Variants in NSL1 observed in about 807,000 individuals in gnomAD.
The protein encoded by NSL1 is kinetochore-associated protein NSL1 homolog.
In NSL1, 11 loss-of-function variants were observed where a neutral mutation model predicts 25.4. That is an observed-to-expected ratio of 0.43 (90% CI 0.27 to 0.72). NSL1 has a LOEUF of 0.72. Ranked by LOEUF, NSL1 falls within the 30% of genes least tolerant of loss-of-function variation. The probability of loss-of-function intolerance (pLI) is 0.19; values close to 1 mark genes in which losing one functional copy is unlikely to be tolerated. For missense variants in NSL1, 330 were observed against 342.7 expected (o/e 0.96, Z 0.29); for synonymous variants, 118 against 120.6 (o/e 0.98, Z 0.14).
intron 4 of NSL1, among the ~76,000 whole-genome samples, chr1:212,771,709 C>T (rs949494983): frequency 4.7e-5 from 7 of 150,322 alleles, no homozygotes; most frequent in African/African-American, 1.5e-4. Context: ...TTTCTATACA[C>T]CAATAATGAA....
At position 212,787,890 on chromosome 1, in the gene NSL1, CA is replaced by C. The variant is rs1341724285; in HGVS notation, c.235-254del. Among the ~76,000 whole-genome samples, 3 of 150,648 alleles carry C rather than the reference CA, an allele frequency of 2.0e-5. No homozygotes were observed. In the South Asian group the frequency reaches 6.3e-4, roughly 32 times the overall value. On this transcript the variant is annotated intron_variant, in intron 1 of 5. Coordinates refer to ENST00000366977, the MANE Select transcript of NSL1 (RefSeq NM_015471.4). Reference sequence around the variant, plus strand: ...ATTTTGGAATATTCTTATAAACAAACAAAAAAAAGTACTCCTAGAATGAAAG... The same window carrying C: ...ATTTTGGAATATTCTTATAAACAAACAAAAAAAGTACTCCTAGAATGAAAG...
At position 212,726,954 on chromosome 1, in the gene NSL1, T is replaced by G; in HGVS notation, c.*11454A>C. 1 of 548,066 alleles carries G rather than the reference T, an allele frequency of 1.8e-6. No individual in the cohort carries two copies. 34.0% of individuals were successfully genotyped at this position (548,066 alleles called of 1,614,324 possible). A position where few individuals can be genotyped will look rare whatever the true frequency, so the allele number is the denominator to read the frequency against. On this transcript the variant is annotated 3_prime_UTR_variant, in exon 6 of 6. Transcript: ENST00000366977. ...TCCCGTCCTGTCTCTTCATGGTGGG[T>G]GAAGAGCACAGGGAGAGTGTGCTTC... is the stretch of plus-strand genomic sequence containing the variant.
At chr1:212,766,417 C>A in intron 4 of NSL1, 2 of 403,182 alleles carry the variant, frequency 5.0e-6, no homozygotes, top group Non-Finnish European at 8.8e-6. Context: ...GTGATATGAT[C>A]GTATACCTTA....
chr1:212,742,715 G>C (rs918473797), intron 4 of NSL1, among the ~76,000 whole-genome samples: 8 of 152,166 alleles, frequency 5.3e-5, no homozygotes, highest in African/African-American at 1.7e-4. Flanking sequence ...ATGATATGTG[G>C]CTGACCTCTG....
rs1657899537 is a variant in NSL1 at position 212,729,019 on chromosome 1, A to G, written c.*9389T>C. ...TTTCTAAAGAAGCAGTCATTTGTCA[A>G]TCTGAAATTTTTTTTAAAGGAAGAA... On this transcript the variant is annotated 3_prime_UTR_variant, in exon 6 of 6. Coordinates refer to ENST00000366977, the MANE Select transcript of NSL1 (RefSeq NM_015471.4). The G allele has an allele frequency of 2.0e-6, 2 of 985,438 alleles. No homozygotes were observed. The highest frequency in any genetic ancestry group is 9.4e-5 in the South Asian group (2 of 21,288). 61.0% of individuals were successfully genotyped at this position (985,438 alleles called of 1,614,324 possible).
chr1:212,776,157 A>G (rs1660356904), intron 4 of NSL1, among the ~76,000 whole-genome samples: 2 of 152,296 alleles, frequency 1.3e-5, no homozygotes, highest in African/African-American at 4.8e-5. Flanking sequence ...TGAGGTCAGG[A>G]GTTCAAGACC....
At chr1:212,777,426 T>A (rs1660423998) in intron 4 of NSL1, among the ~76,000 whole-genome samples, 1 of 151,500 alleles carries the variant, frequency 6.6e-6, no homozygotes, top group Non-Finnish European at 1.5e-5. Context: ...ACAATCTAAG[T>A]TAGTCCCCCT....
chr1:212,791,053 A>T (rs1318000099), intron 1 of NSL1, among the ~76,000 whole-genome samples: 1 of 152,216 alleles, frequency 6.6e-6, no homozygotes, highest in Non-Finnish European at 1.5e-5. Flanking sequence ...CTGCGGCTGC[A>T]TTGTCCAACA....
chr1:212,779,878 G>A (rs1447018719), intron 4 of NSL1, among the ~76,000 whole-genome samples: 27 of 148,158 alleles, frequency 1.8e-4, no homozygotes, highest in African/African-American at 6.5e-4. Context: ...CGGGAGGGAG[G>A]TGGGGGGGTC....
At chr1:212,748,136 T>A (rs1658894682) in intron 4 of NSL1, among the ~76,000 whole-genome samples, 1 of 152,254 alleles carries the variant, frequency 6.6e-6, no homozygotes, top group Non-Finnish European at 1.5e-5. Context: ...TTATGTCATC[T>A]TCTTGCAGTT....
intron 4 of NSL1, among the ~76,000 whole-genome samples, chr1:212,761,849 A>G (rs887128912): frequency 6.6e-6 from 1 of 151,996 alleles, no homozygotes; most frequent in African/African-American, 2.4e-5. Flanking sequence ...AAAAAATACA[A>G]TTGAGAGCTT....
chr1:212,774,825 G>C (rs1047024347), intron 4 of NSL1, among the ~76,000 whole-genome samples: 15 of 152,238 alleles, frequency 9.9e-5, no homozygotes, highest in African/African-American at 2.9e-4. Context: ...CCATTTGTGG[G>C]TATACATACT....
chr1:212,770,496 A>T (rs1660052384), intron 4 of NSL1, among the ~76,000 whole-genome samples: 1 of 152,124 alleles, frequency 6.6e-6, no homozygotes, highest in Non-Finnish European at 1.5e-5. Context: ...AAACAAACAA[A>T]AAAACCAGAA....
At chr1:212,761,521 C>T (rs1405596516) in intron 4 of NSL1, among the ~76,000 whole-genome samples, 2 of 152,118 alleles carry the variant, frequency 1.3e-5, no homozygotes, top group African/African-American at 4.8e-5. Flanking sequence ...TGCCTGTCGT[C>T]CCAGCTACTT....
intron 4 of NSL1, among the ~76,000 whole-genome samples, chr1:212,761,993 A>T (rs1343767661): frequency 2.1e-5 from 3 of 144,630 alleles, no homozygotes. Flanking sequence ...AAAAAAAAAA[A>T]ATCATGTTTT....
At chr1:212,746,392 T>TA (rs1483743668) in intron 4 of NSL1, among the ~76,000 whole-genome samples, 3 of 151,210 alleles carry the variant, frequency 2.0e-5, no homozygotes, top group African/African-American at 7.3e-5. Context: ...AGGAAACCAC[T>TA]AAAAAAAACC....
intron 4 of NSL1, among the ~76,000 whole-genome samples, chr1:212,747,923 C>T (rs1410792428): frequency 6.6e-6 from 1 of 152,034 alleles, no homozygotes; most frequent in African/African-American, 2.4e-5. Context: ...TGCCACCAGG[C>T]CTGGCTAATT....
intron 4 of NSL1, chr1:212,764,002 G>A (rs762736968): frequency 1.1e-5 from 5 of 438,302 alleles, no homozygotes; most frequent in South Asian, 8.2e-5. Flanking sequence ...ACATGGAACA[G>A]TCTCCAAGAT....
intron 4 of NSL1, among the ~76,000 whole-genome samples, chr1:212,740,895 T>A (rs1658473379): frequency 6.6e-6 from 1 of 152,154 alleles, no homozygotes; most frequent in Admixed American, 6.6e-5. Context: ...ATAAAAACAA[T>A]GAGTGTAAAC....
Sources: gnomAD v4.1 joint callset for allele counts (sites outside exome capture counted in the v4.1 genomes callset) on GRCh38, gnomAD v4.1.1 for gene constraint, MANE v1.5 for transcripts, NCBI Gene and HGNC (gene_info 2026-07-23, HGNC 2026-07-21) for gene names.